THADA: variants seen among roughly 807,000 people sequenced by gnomAD.
The protein encoded by THADA is tRNA (32-2'-O)-methyltransferase regulator THADA.
In THADA, 213 loss-of-function variants were observed where a neutral mutation model predicts 219.8. That is an observed-to-expected ratio of 0.97 (90% CI 0.87 to 1.09). THADA has a LOEUF of 1.09. Among genes scored for constraint, THADA ranks in the 50% least tolerant of loss-of-function variants. THADA has a pLI of 0.00. For missense variants in THADA, 2,956 were observed against 2,311.3 expected (o/e 1.28, Z -5.72); for synonymous variants, 1,018 against 828.9 (o/e 1.23, Z -3.92).
intron 26 of THADA, among the ~76,000 whole-genome samples, chr2:43,466,142 A>C (rs887650881): frequency 6.6e-6 from 1 of 152,208 alleles, no homozygotes; most frequent in Non-Finnish European, 1.5e-5. Context: ...AGAATTTCCC[A>C]AAGTGTGTCC....
chr2:43,290,206 A>G (rs1160086197), intron 34 of THADA, among the ~76,000 whole-genome samples: 1 of 150,908 alleles, frequency 6.6e-6, no homozygotes, highest in East Asian at 1.9e-4. Flanking sequence ...TCCTGACCTT[A>G]GGTGATCTGC....
At chr2:43,278,501 A>C (rs1306396423) in intron 36 of THADA, among the ~76,000 whole-genome samples, 1 of 152,180 alleles carries the variant, frequency 6.6e-6, no homozygotes, top group Non-Finnish European at 1.5e-5. Flanking sequence ...AAAATGAATA[A>C]ATTGCCAATG....
At chr2:43,425,185 C>T (rs1678249931) in intron 28 of THADA, among the ~76,000 whole-genome samples, 2 of 152,184 alleles carry the variant, frequency 1.3e-5, no homozygotes, top group African/African-American at 4.8e-5. Flanking sequence ...CTGCCTTGCT[C>T]TCTGAACCTC....
At chr2:43,322,524 G>A (rs1215014588) in intron 30 of THADA, among the ~76,000 whole-genome samples, 1 of 147,794 alleles carries the variant, frequency 6.8e-6, no homozygotes, top group Admixed American at 6.8e-5. Context: ...AAATAAATAG[G>A]TAACACATGC....
At chr2:43,578,207 A>G (rs1700057028) in intron 9 of THADA, among the ~76,000 whole-genome samples, 2 of 151,386 alleles carry the variant, frequency 1.3e-5, no homozygotes, top group African/African-American at 4.9e-5. Flanking sequence ...GACTGGTGCA[A>G]TCTTATCTCA....
At chr2:43,486,590 T>C (rs1686946573) in intron 25 of THADA, 1 of 152,162 alleles carries the variant, frequency 6.6e-6, no homozygotes, top group Non-Finnish European at 1.5e-5. Flanking sequence ...GAAAGATCAC[T>C]AAAAGTAACG....
intron 26 of THADA, among the ~76,000 whole-genome samples, chr2:43,451,898 G>A (rs1371416652): frequency 2.0e-5 from 3 of 152,284 alleles, no homozygotes; most frequent in Middle Eastern, 6.8e-3. Flanking sequence ...CCTGAGGTCA[G>A]GGGTTCAAGA....
chr2:43,234,946 T>TCC (rs1667858096), intron 36 of THADA, among the ~76,000 whole-genome samples: 1 of 151,356 alleles, frequency 6.6e-6, no homozygotes, highest in Non-Finnish European at 1.5e-5. Context: ...GTGCTGGGAT[T>TCC]ACAGGTATGA....
intron 30 of THADA, among the ~76,000 whole-genome samples, chr2:43,326,068 C>T (rs781607080): frequency 2.0e-5 from 3 of 151,602 alleles, no homozygotes; most frequent in Admixed American, 6.6e-5. Flanking sequence ...CTAAAATTTC[C>T]GACTGTGCAT....
intron 31 of THADA, among the ~76,000 whole-genome samples, chr2:43,300,668 C>T (rs1328215359): frequency 2.0e-5 from 3 of 152,030 alleles, no homozygotes; most frequent in Non-Finnish European, 4.4e-5. Flanking sequence ...CACAGAGAGA[C>T]CTTTAAATAA....
intron 35 of THADA, among the ~76,000 whole-genome samples, chr2:43,285,656 C>T (rs563874944): frequency 8.3e-4 from 126 of 151,942 alleles, no homozygotes; most frequent in Middle Eastern, 3.4e-3. Context: ...CTCTGCCTCC[C>T]GGGTTCAAGC....
chr2:43,295,653 T>C (rs1339653994), intron 31 of THADA, among the ~76,000 whole-genome samples: 1 of 152,262 alleles, frequency 6.6e-6, no homozygotes, highest in Non-Finnish European at 1.5e-5. Flanking sequence ...CATCTCATTA[T>C]AACTCAGAGA....
chr2:43,430,721 G>A (rs538056790), intron 26 of THADA: 8 of 450,966 alleles, frequency 1.8e-5, no homozygotes, highest in Middle Eastern at 3.3e-4. Flanking sequence ...TGACAGTTTG[G>A]ACCAAATAAC....
chr2:43,288,333 G>C (rs1344506792), intron 34 of THADA, among the ~76,000 whole-genome samples: 2 of 152,230 alleles, frequency 1.3e-5, no homozygotes, highest in African/African-American at 4.8e-5. Flanking sequence ...CATGGGAACT[G>C]CTTGAAGCCA....
chr2:43,516,404 C>G (rs991741720), intron 22 of THADA, among the ~76,000 whole-genome samples: 2 of 152,128 alleles, frequency 1.3e-5, no homozygotes, highest in Non-Finnish European at 2.9e-5. Flanking sequence ...CTACTCCAGT[C>G]ATAATTGGTT....
chr2:43,577,320 A>C, intron 9 of THADA, 78 bp from the exon 10 acceptor site: 1 of 1,130,716 alleles, frequency 8.8e-7, no homozygotes, highest in Non-Finnish European at 1.3e-6. Flanking sequence ...AAACCCAAAC[A>C]TCTCTTTCCC....
intron 26 of THADA, among the ~76,000 whole-genome samples, chr2:43,481,799 C>A (rs774014350): frequency 3.9e-5 from 6 of 152,140 alleles, no homozygotes; most frequent in Non-Finnish European, 8.8e-5. Context: ...GGAGAGTGTG[C>A]AAAAGCTAGA....
At chr2:43,434,544 G>A (rs369798878) in intron 26 of THADA, among the ~76,000 whole-genome samples, 93 of 152,240 alleles carry the variant, frequency 6.1e-4, no homozygotes, top group African/African-American at 2.1e-3. Context: ...GCACATGGGC[G>A]GAGGAACACA....
At chr2:43,274,993 CTTTTCT>C (rs1672556649) in intron 36 of THADA, among the ~76,000 whole-genome samples, 1 of 121,626 alleles carries the variant, frequency 8.2e-6, no homozygotes, top group Non-Finnish European at 1.7e-5. Flanking sequence ...CTTTTCTTTT[CTTTTCT>C]TTTTTTTTTT....
Sources: gnomAD v4.1 joint callset for allele counts (sites outside exome capture counted in the v4.1 genomes callset) on GRCh38, gnomAD v4.1.1 for gene constraint, MANE v1.5 for transcripts, NCBI Gene and HGNC (gene_info 2026-07-23, HGNC 2026-07-21) for gene names.